Variants in SYNE1 observed in about 807,000 individuals in gnomAD.
The protein encoded by SYNE1 is nesprin-1.
In SYNE1, 616 loss-of-function variants were observed where a neutral mutation model predicts 1,111.0. The ratio of observed to expected loss-of-function variants is 0.55; its 90% CI spans 0.52 to 0.59. The LOEUF is 0.59. SYNE1 is among the 20% of genes least tolerant of loss of function. The pLI is 0.00. For missense variants in SYNE1, 10,006 were observed against 10,417.0 expected (o/e 0.96, Z 1.72); for synonymous variants, 3,855 against 3,825.8 (o/e 1.01, Z -0.28).
At chr6:152,381,413 C>T in intron 55 of SYNE1, 51 bp from the exon 56 acceptor site, 1 of 1,586,678 alleles carries the variant, frequency 6.3e-7, no homozygotes, top group Non-Finnish European at 8.6e-7. Flanking sequence ...GTCACTTGGA[C>T]TGCAAGTTTT....
intron 5 of SYNE1, among the ~76,000 whole-genome samples, chr6:152,522,265 T>C (rs1341742631): frequency 6.6e-6 from 1 of 152,152 alleles, no homozygotes; most frequent in African/African-American, 2.4e-5. Flanking sequence ...TATGCCTTCG[T>C]GTACCCATAG....
chr6:152,390,388 T>C lies in SYNE1; in HGVS notation c.8069A>G (p.Gln2690Arg). 9 of 1,614,180 alleles carry C rather than the reference T, an allele frequency of 5.6e-6. No homozygotes were observed. Among genetic ancestry groups the C allele is most frequent in the Non-Finnish European group, 7.6e-6 (9 of 1,180,022 alleles). The change falls in exon 53 of 146, where the codon CAG becomes CGG. Residue 2690 changes from glutamine (Q) to arginine (R), a missense_variant. By Grantham distance (43) the Gln-to-Arg change is conservative (BLOSUM62 1). Transcript: ENST00000367255. ...TTCTTTGTTGCTACTTCTCAAGGCC[T>C]GTTCCCCCTTGCCAATGGCCATATT... Reference protein sequence around the residue: ...KLNMAIGKGEQALRSSNKEGQ... With the variant: ...KLNMAIGKGERALRSSNKEGQ...
At chr6:152,344,473 A>G (rs2096596113) in intron 73 of SYNE1, among the ~76,000 whole-genome samples, 2 of 152,216 alleles carry the variant, frequency 1.3e-5, no homozygotes, top group Admixed American at 6.5e-5. Flanking sequence ...GGAAGAGAAC[A>G]TGAGCAGGGT....
At chr6:152,295,733 C>G (rs1364830488) in intron 93 of SYNE1, among the ~76,000 whole-genome samples, 1 of 152,092 alleles carries the variant, frequency 6.6e-6, no homozygotes, top group Non-Finnish European at 1.5e-5. Flanking sequence ...TATATTCACA[C>G]TCACCCTTAT....
intron 3 of SYNE1, among the ~76,000 whole-genome samples, chr6:152,617,416 A>G (rs1263367497): frequency 6.6e-6 from 1 of 152,186 alleles, no homozygotes; most frequent in African/African-American, 2.4e-5. Flanking sequence ...AATTTCTCCA[A>G]TTATTATGTC....
At chr6:152,172,402 G>T (rs1324452) in intron 130 of SYNE1, among the ~76,000 whole-genome samples, 79,201 of 152,036 alleles carry the variant, frequency 0.52, 23,982 homozygotes, top group African/African-American at 0.84. Context: ...ATAACTAAAG[G>T]ATGCTTTTGC....
chr6:152,176,570 A>C lies in SYNE1; in HGVS notation c.23461-10T>G. Reference sequence around the variant, plus strand: ...TTTCCTCTTGATAATCCTGTGTAATAAATAGCAATCACAGAGGTCAGAAAG... The same window carrying C: ...TTTCCTCTTGATAATCCTGTGTAATCAATAGCAATCACAGAGGTCAGAAAG... On this transcript the variant is annotated splice_polypyrimidine_tract_variant and intron_variant, in intron 129 of 145. Coordinates refer to ENST00000367255, the MANE Select transcript of SYNE1 (RefSeq NM_182961.4). The C allele has an allele frequency of 6.2e-7, 1 of 1,613,828 alleles. No homozygotes were observed. Among genetic ancestry groups the C allele is most frequent in the South Asian group, 1.1e-5 (1 of 91,072 alleles).
At position 152,145,433 on chromosome 6, in the gene SYNE1, G is replaced by T. The variant is rs369828129; in HGVS notation, c.24977-1668C>A. On this transcript the variant is annotated intron_variant, in intron 137 of 145. Coordinates refer to ENST00000367255, the MANE Select transcript of SYNE1 (RefSeq NM_182961.4). ...AGAGACAGCAGATGTGCTAAGAGAG[G>T]AGGATTGCTATACAGGGGAGGGAGG... is the stretch of plus-strand genomic sequence containing the variant. 19 of 1,521,334 alleles carry T rather than the reference G, an allele frequency of 1.2e-5. No homozygotes were observed. The African/African-American group carries it at 2.5e-4, about 20-fold the overall frequency. 94.2% of individuals were successfully genotyped at this position (1,521,334 alleles called of 1,614,324 possible). A position where few individuals can be genotyped will look rare whatever the true frequency, so the allele number is the denominator to read the frequency against.
At chr6:152,385,492 A>G (rs554194041) in intron 55 of SYNE1, among the ~76,000 whole-genome samples, 182 bp downstream of exon 55, 70 of 152,236 alleles carry the variant, frequency 4.6e-4, no homozygotes, top group Non-Finnish European at 9.6e-4. Context: ...CATTGTGCTC[A>G]TAAGTGTAAA....
chr6:152,245,425 A>G (rs2086859120), intron 105 of SYNE1, among the ~76,000 whole-genome samples: 1 of 152,226 alleles, frequency 6.6e-6, no homozygotes, highest in Admixed American at 6.5e-5. Flanking sequence ...AGAGGGCAAC[A>G]GAGGTTGCCC....
At chr6:152,267,461 A>G (rs2092817694) in intron 100 of SYNE1, among the ~76,000 whole-genome samples, 1 of 152,228 alleles carries the variant, frequency 6.6e-6, no homozygotes, top group Non-Finnish European at 1.5e-5. Context: ...TTCCAAAGTG[A>G]CCTTCGTGGA....
At chr6:152,429,028 C>T (rs985528010) in intron 36 of SYNE1, among the ~76,000 whole-genome samples, 7 of 151,148 alleles carry the variant, frequency 4.6e-5, no homozygotes, top group Non-Finnish European at 1.0e-4. Context: ...GCTATAATCA[C>T]TCCAAAAAAT....
chr6:152,250,990 C>T (rs1480238046), intron 104 of SYNE1, among the ~76,000 whole-genome samples: 1 of 152,192 alleles, frequency 6.6e-6, no homozygotes, highest in African/African-American at 2.4e-5. Context: ...TGCTCTGTCA[C>T]CCAGGCTGGA....
intron 74 of SYNE1, among the ~76,000 whole-genome samples, chr6:152,343,859 C>T (rs910256457): frequency 3.3e-5 from 5 of 151,944 alleles, no homozygotes; most frequent in East Asian, 1.9e-4. Flanking sequence ...TGAGCCACTA[C>T]GCCTGGCCCC....
intron 100 of SYNE1, among the ~76,000 whole-genome samples, chr6:152,267,571 T>G (rs2092825701): frequency 2.6e-5 from 4 of 152,186 alleles, no homozygotes; most frequent in Admixed American, 2.6e-4. Flanking sequence ...ACTTGAAAAT[T>G]CTCCAACTTC....
At chr6:152,471,840 T>C in intron 15 of SYNE1, 75 bp from the exon 16 acceptor site, 4 of 1,448,454 alleles carry the variant, frequency 2.8e-6, no homozygotes, top group South Asian at 1.2e-5. Flanking sequence ...ACCTGTTACA[T>C]GTCAGCCTTA....
At chr6:152,411,376 T>C (rs775019677) in intron 42 of SYNE1, among the ~76,000 whole-genome samples, 2 of 152,200 alleles carry the variant, frequency 1.3e-5, no homozygotes, top group Non-Finnish European at 2.9e-5. Flanking sequence ...GTACCAGAGC[T>C]GCCAGCAAAG....
chr6:152,376,581 T>C lies in SYNE1; in HGVS notation c.9147-23A>G, dbSNP rs943071775. 4.3e-6 allele frequency: 7 copies of C among 1,612,738 alleles called. No homozygotes were observed. In the South Asian group the frequency reaches 7.7e-5, roughly 18 times the overall value. ...AGACTGAAAAGGTGACGCAAAAATT[T>C]AATGGCAGGAAAAAGCGATAAAGTT... On this transcript the variant is annotated intron_variant, in intron 57 of 145. Coordinates refer to ENST00000367255, the MANE Select transcript of SYNE1 (RefSeq NM_182961.4).
chr6:152,596,098 TAAA>T (rs71017542), intron 3 of SYNE1, among the ~76,000 whole-genome samples: 11 of 18,582 alleles, frequency 5.9e-4, no homozygotes, highest in African/African-American at 1.3e-3. Context: ...AAGGGCAATC[TAAA>T]AAAAAAAAAA....
Sources: gnomAD v4.1 joint callset for allele counts (sites outside exome capture counted in the v4.1 genomes callset) on GRCh38, gnomAD v4.1.1 for gene constraint, MANE v1.5 for transcripts, NCBI Gene and HGNC (gene_info 2026-07-23, HGNC 2026-07-21) for gene names.